Variants in HPSE2 observed in about 807,000 individuals in gnomAD.
The protein encoded by HPSE2 is heparanase 2 (inactive).
Under a neutral mutation model 60.5 loss-of-function variants are expected in HPSE2, and 38 were observed. The observed-to-expected ratio is 0.63, with a 90% CI of 0.48 to 0.82. The LOEUF is 0.82. HPSE2 is among the 40% of genes least tolerant of loss of function. The pLI is 0.00. For synonymous variants in HPSE2, 295 were observed against 293.2 expected (o/e 1.01, Z -0.06); for missense variants, 713 against 740.4 (o/e 0.96, Z 0.43).
chr10:98,947,546 G>A (rs934681808), intron 3 of HPSE2, among the ~76,000 whole-genome samples: 9 of 152,090 alleles, frequency 5.9e-5, no homozygotes, highest in Admixed American at 5.9e-4. Flanking sequence ...TAAGGAGAGA[G>A]GATATCTGCC....
intron 3 of HPSE2, among the ~76,000 whole-genome samples, chr10:99,102,375 A>G (rs2135646253): frequency 2.0e-5 from 3 of 152,344 alleles, no homozygotes; most frequent in Admixed American, 2.0e-4. Context: ...TAAACGAGAA[A>G]ATCTAGAAGA....
Position 99,031,518 on chromosome 10 carries a change from C to T in HPSE2, c.610+112720G>A, listed in dbSNP as rs1957498486. Among the ~76,000 whole-genome samples, 4 of 152,132 alleles carry T rather than the reference C, an allele frequency of 2.6e-5. No homozygotes were observed. In the South Asian group the frequency reaches 8.3e-4, roughly 32 times the overall value. On this transcript the variant is annotated intron_variant, in intron 3 of 11. Coordinates refer to ENST00000370552, the MANE Select transcript of HPSE2 (RefSeq NM_021828.5). ...AGCACAGTCCTCTCTATGAGATAGACACATTTCTTCCTATTCAGAGGGAAT... is the reference window on the plus strand; with the variant it reads ...AGCACAGTCCTCTCTATGAGATAGATACATTTCTTCCTATTCAGAGGGAAT...
intron 3 of HPSE2, among the ~76,000 whole-genome samples, chr10:98,902,409 C>T (rs539251065): frequency 6.6e-6 from 1 of 152,200 alleles, no homozygotes; most frequent in East Asian, 1.9e-4. Context: ...GTTTAAAGCC[C>T]AAGATCTCAG....
chr10:98,957,984 A>T (rs1955551893), intron 3 of HPSE2, among the ~76,000 whole-genome samples: 1 of 152,142 alleles, frequency 6.6e-6, no homozygotes, highest in Admixed American at 6.6e-5. Flanking sequence ...ATCTGCAGAG[A>T]GAAGAAAGGG....
intron 3 of HPSE2, among the ~76,000 whole-genome samples, chr10:98,968,241 C>T (rs905183106): frequency 6.6e-6 from 1 of 152,126 alleles, no homozygotes; most frequent in African/African-American, 2.4e-5. Flanking sequence ...GCTTAGTTCA[C>T]CTGTGGGCAA....
At chr10:98,645,893 T>C (rs1402834044) in intron 6 of HPSE2, among the ~76,000 whole-genome samples, 1 of 152,114 alleles carries the variant, frequency 6.6e-6, no homozygotes, top group African/African-American at 2.4e-5. Flanking sequence ...GAGAATGGCG[T>C]GAACCCGGGA....
chr10:99,124,290 C>T (rs147083867), intron 3 of HPSE2, among the ~76,000 whole-genome samples: 1 of 152,236 alleles, frequency 6.6e-6, no homozygotes, highest in African/African-American at 2.4e-5. Context: ...TGGGTGGGCC[C>T]GGAAAAAGGA....
chr10:98,602,965 T>TTA (rs1945470228), intron 9 of HPSE2, among the ~76,000 whole-genome samples: 1 of 152,196 alleles, frequency 6.6e-6, no homozygotes, highest in South Asian at 2.1e-4. Flanking sequence ...CCTTTTGTGC[T>TTA]TAAAAGGACA....
chr10:98,535,891 A>G (rs1034257916), intron 9 of HPSE2, among the ~76,000 whole-genome samples: 2 of 152,144 alleles, frequency 1.3e-5, no homozygotes, highest in Admixed American at 6.5e-5. Flanking sequence ...TTGATACTCT[A>G]GAGTGTTTCT....
At position 98,457,527 on chromosome 10, in the gene HPSE2, C is replaced by T. The variant is rs1278768795; in HGVS notation, c.*2047G>A. ...AGGCTCTTAGGGACCTTTGGTTACT[C>T]TTGTTATATCAGGGGGCCCTGCAGT... On this transcript the variant is annotated 3_prime_UTR_variant, in exon 12 of 12. Transcript: ENST00000370552. The T allele has an allele frequency of 6.6e-6, 1 of 152,226 alleles. No homozygotes were observed. The highest frequency in any genetic ancestry group is 1.9e-4 in the East Asian group (1 of 5,198). The allele number at this position is 152,226 out of a possible 1,614,324, so 9.4% of individuals were successfully genotyped here.
At chr10:99,093,055 G>A (rs575201190) in intron 3 of HPSE2, among the ~76,000 whole-genome samples, 8 of 151,920 alleles carry the variant, frequency 5.3e-5, no homozygotes, top group East Asian at 1.9e-4. Context: ...TAGTGAAACC[G>A]CATCTCTACT....
Position 99,232,228 on chromosome 10 carries a change from C to T in HPSE2, c.448+120G>A, listed in dbSNP as rs561580107. 1.9e-3 allele frequency: 2,130 copies of T among 1,136,382 alleles called. 17 individuals carry two copies. The highest frequency in any genetic ancestry group is 0.012 in the African/African-American group (767 of 64,660). 70.4% of individuals were successfully genotyped at this position (1,136,382 alleles called of 1,614,324 possible). A position where few individuals can be genotyped will look rare whatever the true frequency, so the allele number is the denominator to read the frequency against. ...GCGCGCGCGCATACACACACACACACACACACACACACACACACACACACA... is the reference window on the plus strand; with the variant it reads ...GCGCGCGCGCATACACACACACACATACACACACACACACACACACACACA... On this transcript the variant is annotated intron_variant, in intron 2 of 11. Transcript: ENST00000370552.
chr10:98,459,429 T>G lies in HPSE2; in HGVS notation c.*145A>C, dbSNP rs1940179596. Reference sequence around the variant, plus strand: ...AGATCACGCTATGACATTTAGTCTCTTTGGAGAGCAAGTCTGTGTTGATTC... The same window carrying G: ...AGATCACGCTATGACATTTAGTCTCGTTGGAGAGCAAGTCTGTGTTGATTC... On this transcript the variant is annotated 3_prime_UTR_variant, in exon 12 of 12. Transcript: ENST00000370552. 1 of 932,790 alleles carries G rather than the reference T, an allele frequency of 1.1e-6. No individual in the cohort carries two copies. The highest frequency in any genetic ancestry group is 1.6e-5 in the African/African-American group (1 of 61,856). 57.8% of individuals were successfully genotyped at this position (932,790 alleles called of 1,614,324 possible). A position where few individuals can be genotyped will look rare whatever the true frequency, so the allele number is the denominator to read the frequency against.
intron 9 of HPSE2, 130 bp from the exon 10 acceptor site, chr10:98,490,326 G>T: frequency 8.5e-7 from 1 of 1,180,534 alleles, no homozygotes; most frequent in Non-Finnish European, 1.2e-6. Context: ...GGAGTCATGA[G>T]TCATGACCAA....
chr10:99,078,960 C>T (rs956251451), intron 3 of HPSE2, among the ~76,000 whole-genome samples: 1 of 152,076 alleles, frequency 6.6e-6, no homozygotes, highest in Non-Finnish European at 1.5e-5. Context: ...CCAAGATAAA[C>T]GAGACTGAAT....
At chr10:99,086,889 CAG>C (rs1165263628) in intron 3 of HPSE2, among the ~76,000 whole-genome samples, 1 of 152,178 alleles carries the variant, frequency 6.6e-6, no homozygotes, top group Non-Finnish European at 1.5e-5. Context: ...TCAGATAACA[CAG>C]AGTATTATCA....
chr10:99,293,485 T>C, the HPSE2 span, among the ~76,000 whole-genome samples: 1 of 152,308 alleles, frequency 6.6e-6, no homozygotes, highest in African/African-American at 2.4e-5. Flanking sequence ...TTTTAAAAAT[T>C]TCTGAGAAGA....
chr10:99,083,537 T>C (rs1564793163), intron 3 of HPSE2, among the ~76,000 whole-genome samples: 1 of 152,216 alleles, frequency 6.6e-6, no homozygotes, highest in Non-Finnish European at 1.5e-5. Context: ...AGATCTTACC[T>C]TTAGATAGCA....
At chr10:99,213,666 A>T (rs1442298119) in intron 2 of HPSE2, among the ~76,000 whole-genome samples, 1 of 151,898 alleles carries the variant, frequency 6.6e-6, no homozygotes, top group African/African-American at 2.4e-5. Context: ...AATTCAAATG[A>T]GGCATTAAGA....
Sources: allele counts gnomAD v4.1 joint callset (sites outside exome capture counted in the v4.1 genomes callset), GRCh38; gene constraint gnomAD v4.1.1; transcripts MANE v1.5; gene names NCBI Gene and HGNC (gene_info 2026-07-23, HGNC 2026-07-21).